Variants in DLST observed in about 807,000 individuals in gnomAD.
The protein encoded by DLST is dihydrolipoamide S-succinyltransferase.
A neutral mutation model predicts 53.1 loss-of-function variants in DLST; 17 were observed. That is an observed-to-expected ratio of 0.32 (90% confidence interval 0.22 to 0.48). DLST has a LOEUF of 0.48. Among genes scored for constraint, DLST ranks in the 20% least tolerant of loss-of-function variants. DLST has a pLI of 0.99. For missense variants in DLST, 512 were observed against 583.9 expected, an observed-to-expected ratio of 0.88 and a Z score of 1.27; for synonymous variants, 206 against 204.8, an observed-to-expected ratio of 1.01 and a Z score of -0.05.
chr14:74,891,309 T>C (rs1883899424), intron 7 of DLST, 142 bp downstream of exon 7: 16 of 1,446,822 alleles, frequency 1.1e-5, no homozygotes, highest in Non-Finnish European at 1.5e-5. Context: ...GGTAAATTTA[T>C]ATATAGTGTG....
At chr14:74,887,827 C>T (rs1883759973) in intron 3 of DLST, among the ~76,000 whole-genome samples, 1 of 152,160 alleles carries the variant, frequency 6.6e-6, no homozygotes, top group Non-Finnish European at 1.5e-5. Flanking sequence ...TTTTAAATAT[C>T]TTCATTTTTT....
rs557494797 is a variant in DLST, at chr14:74,894,275, A to G, written c.673-37A>G. ...CACGGGGAATGCTTGACCCAGAGAG[A>G]TCAGATTGTCAATGCTTGTTCCACT... On this transcript the variant is annotated intron_variant, in intron 9 of 14. Coordinates refer to ENST00000334220, the MANE Select transcript of DLST (RefSeq NM_001933.5). The G allele has an allele frequency of 3.7e-6, 6 of 1,611,614 alleles. No homozygotes were observed. The East Asian group carries it at 1.3e-4, about 36-fold the overall frequency.
At chr14:74,893,961 C>G (rs1883993826) in intron 9 of DLST, among the ~76,000 whole-genome samples, 2 of 152,314 alleles carry the variant, frequency 1.3e-5, no homozygotes, top group East Asian at 3.9e-4. Context: ...TATTCTTATG[C>G]AAATCTTTAT....
chr14:74,882,019 A>G lies in DLST; in HGVS notation c.63+3A>G, dbSNP rs1206590832. On this transcript the variant is annotated splice_donor_region_variant and intron_variant, in intron 1 of 14. Coordinates refer to ENST00000334220, the MANE Select transcript of DLST (RefSeq NM_001933.5). ...GCTCGCTCTCCGCCTTCCAGAAGGT[A>G]CGGTCTGGCCGAGCCGGGGCCCCGA... is the stretch of plus-strand genomic sequence containing the variant. 6.4e-7 allele frequency: 1 copy of G among 1,564,850 alleles called. No individual in the cohort carries two copies. The highest frequency in any genetic ancestry group is 8.6e-7 in the Non-Finnish European group (1 of 1,163,860).
intron 2 of DLST, 81 bp from the exon 3 acceptor site, chr14:74,885,505 G>A (rs1883671567): frequency 7.2e-7 from 1 of 1,386,794 alleles, no homozygotes; most frequent in Non-Finnish European, 1.0e-6. Flanking sequence ...AGGGTTGGGG[G>A]TGAGCAGACC....
At chr14:74,896,732 A>G (rs1009712076) in intron 10 of DLST, among the ~76,000 whole-genome samples, 1 of 152,246 alleles carries the variant, frequency 6.6e-6, no homozygotes, top group African/African-American at 2.4e-5. Context: ...ATTAGGGCCA[A>G]ATTGTACACA....
At chr14:74,888,061 C>T (rs1452501568) in intron 3 of DLST, among the ~76,000 whole-genome samples, 1 of 152,144 alleles carries the variant, frequency 6.6e-6, no homozygotes, top group African/African-American at 2.4e-5. Context: ...CATCTCTCAC[C>T]CCTCAGAGGT....
At chr14:74,888,637 T>A (rs1411943826) in intron 3 of DLST, among the ~76,000 whole-genome samples, 1 of 151,838 alleles carries the variant, frequency 6.6e-6, no homozygotes, top group Non-Finnish European at 1.5e-5. Flanking sequence ...AATCCAGGAG[T>A]TTGAGGTTAC....
intron 10 of DLST, among the ~76,000 whole-genome samples, chr14:74,897,867 G>A (rs531631398): frequency 7.3e-5 from 11 of 151,042 alleles, no homozygotes; most frequent in Admixed American, 6.6e-4. Context: ...CCCATGAGCT[G>A]TTTATTTTAG....
chr14:74,900,277 C>T lies in DLST; in HGVS notation c.976-12C>T. ...TAATTTGCAACTGAAAACAGCTTTT[C>T]ACCCCCTTCAGGGTCTGGTGGTTCC... On this transcript the variant is annotated splice_polypyrimidine_tract_variant and intron_variant, in intron 12 of 14. Coordinates refer to ENST00000334220, the MANE Select transcript of DLST (RefSeq NM_001933.5). 6.2e-7 allele frequency: 1 copy of T among 1,613,654 alleles called. No individual in the cohort carries two copies. Among genetic ancestry groups the T allele is most frequent in the East Asian group, 2.2e-5 (1 of 44,892 alleles).
rs756518066 is a variant in DLST at position 74,889,883 on chromosome 14, G to A, written c.275-14G>A. 4 of 1,613,828 alleles carry A rather than the reference G, an allele frequency of 2.5e-6. No individual in the cohort carries two copies. The highest frequency in any genetic ancestry group is 3.4e-6 in the Non-Finnish European group (4 of 1,179,884). On this transcript the variant is annotated splice_polypyrimidine_tract_variant and intron_variant, in intron 5 of 14. Transcript: ENST00000334220. ...GCTAACAGGTAGCCTTGTAGCCTTT[G>A]ATTGTCTTTTCAGCTGTTGGAGACA... is the stretch of plus-strand genomic sequence containing the variant.
Position 74,900,379 on chromosome 14 carries a change from T to C in DLST, c.1059+7T>C. On this transcript the variant is annotated splice_region_variant and intron_variant, in intron 13 of 14. Coordinates refer to ENST00000334220, the MANE Select transcript of DLST (RefSeq NM_001933.5). ...CACTGAACTGGGAGAGAAGGTAAAG[T>C]AGAAAGATGTATACAAGCTGCTAAG... The C allele has an allele frequency of 1.2e-6, 2 of 1,612,406 alleles. No homozygotes were observed. The highest frequency in any genetic ancestry group is 1.7e-6 in the Non-Finnish European group (2 of 1,178,656).
Position 74,902,509 on chromosome 14 carries a change from G to T in DLST, c.*179G>T. 1.6e-6 allele frequency: 1 copy of T among 609,310 alleles called. No individual in the cohort carries two copies. The highest frequency in any genetic ancestry group is 2.6e-6 in the Non-Finnish European group (1 of 383,630). The allele number at this position is 609,310 out of a possible 1,614,324, so 37.7% of individuals were successfully genotyped here. ...AGGTCTTTTCTTGGCGTTCCTGCCA[G>T]GCTCTCCCTCTCTGCACCTGTCTCA... On this transcript the variant is annotated 3_prime_UTR_variant, in exon 15 of 15. Transcript: ENST00000334220.
chr14:74,884,856 A>T (rs1883649135), intron 2 of DLST, among the ~76,000 whole-genome samples: 1 of 152,182 alleles, frequency 6.6e-6, no homozygotes, highest in Non-Finnish European at 1.5e-5. Flanking sequence ...TCTGAAAGAA[A>T]AAAGACATAA....
At chr14:74,890,627 C>T (rs1267886888) in intron 6 of DLST, among the ~76,000 whole-genome samples, 1 of 152,150 alleles carries the variant, frequency 6.6e-6, no homozygotes, top group Non-Finnish European at 1.5e-5. Flanking sequence ...GACTTGTTAT[C>T]ACCCTTGCTC....
intron 3 of DLST, 45 bp downstream of exon 3, chr14:74,885,679 ATT>A: frequency 6.5e-7 from 1 of 1,539,678 alleles, no homozygotes; most frequent in Non-Finnish European, 8.8e-7. Flanking sequence ...CGGGTTATTT[ATT>A]TAAAGACATA....
chr14:74,888,883 C>G (rs1883798734), intron 3 of DLST, among the ~76,000 whole-genome samples: 2 of 152,146 alleles, frequency 1.3e-5, no homozygotes, highest in Non-Finnish European at 2.9e-5. Context: ...GTACCTGGGT[C>G]GTTAGGCTCT....
chr14:74,891,319 G>T, intron 7 of DLST, 152 bp downstream of exon 7: 1 of 1,412,368 alleles, frequency 7.1e-7, no homozygotes, highest in Non-Finnish European at 9.3e-7. Context: ...TATATAGTGT[G>T]AACTTCAAAT....
Position 74,900,066 on chromosome 14 carries a change from C to T in DLST, c.975+70C>T, listed in dbSNP as rs1219181276. ...CCTTATCTGTGTGAAGGAGATCACA[C>T]AAGAGAAATCATTTCTTTAATTCTG... On this transcript the variant is annotated intron_variant, in intron 12 of 14. Transcript: ENST00000334220. 6.2e-6 allele frequency: 8 copies of T among 1,291,896 alleles called. No individual in the cohort carries two copies. In the East Asian group the frequency reaches 6.9e-5, roughly 11 times the overall value. The allele number at this position is 1,291,896 out of a possible 1,614,324, so 80.0% of individuals were successfully genotyped here. A position where few individuals can be genotyped will look rare whatever the true frequency, so the allele number is the denominator to read the frequency against.
Sources: allele counts gnomAD v4.1 joint callset (sites outside exome capture counted in the v4.1 genomes callset), GRCh38; gene constraint gnomAD v4.1.1; transcripts MANE v1.5; gene names NCBI Gene and HGNC (gene_info 2026-07-23, HGNC 2026-07-21).